C12orf54: variants seen among roughly 807,000 people sequenced by gnomAD.
C12orf54 encodes the protein uncharacterized protein C12orf54.
In C12orf54, 24 loss-of-function variants were observed where a neutral mutation model predicts 26.4. That is an observed-to-expected ratio of 0.91 (90% CI 0.66 to 1.28). The LOEUF (loss-of-function observed/expected upper bound fraction) is 1.28, where lower values mean the gene tolerates loss of function less well. Ranked by LOEUF, C12orf54 falls within the 50% of genes most tolerant of loss-of-function variation. The probability of loss-of-function intolerance (pLI) is 0.00; values close to 1 mark genes in which losing one functional copy is unlikely to be tolerated. For synonymous variants in C12orf54, 54 were observed against 47.0 expected (o/e 1.15, Z -0.61); for missense variants, 154 against 150.9 (o/e 1.02, Z -0.11).
the C12orf54 span, among the ~76,000 whole-genome samples, chr12:48,455,195 C>T: frequency 3.3e-5 from 5 of 152,090 alleles, no homozygotes; most frequent in African/African-American, 4.8e-5. Context: ...AGAACATGCA[C>T]GATTTGGTTT....
intron 2 of C12orf54, among the ~76,000 whole-genome samples, chr12:48,484,168 C>T (rs913100688): frequency 2.6e-5 from 4 of 152,138 alleles, no homozygotes; most frequent in African/African-American, 9.7e-5. Context: ...GCACTCCAGC[C>T]TGGGCAATAA....
In C12orf54 at chr12:48,490,833, C is replaced by T. The variant is rs760341392; in HGVS notation, c.190C>T (p.Arg64Ter). The change falls in exon 6 of 9, where the codon CGA becomes TGA. Residue 64 changes from arginine to a stop codon, truncating the protein, a stop_gained. Transcript: ENST00000548364. LOFTEE classifies it high-confidence loss of function. ...QKELQEDARIRGMSNCSMTPM... is the reference protein window; with the variant it reads ...QKELQEDARI ...TCAGCTGCAGGAAGATGCTCGGATTCGAGGTAAAACAGCACCATTCCAAGG... is the reference window on the plus strand; with the variant it reads ...TCAGCTGCAGGAAGATGCTCGGATTTGAGGTAAAACAGCACCATTCCAAGG... The T allele has an allele frequency of 3.7e-5, 60 of 1,613,192 alleles. No individual in the cohort carries two copies. The highest frequency in any genetic ancestry group is 2.4e-4 in the African/African-American group (18 of 74,870).
chr12:48,465,940 G>A, the C12orf54 span, among the ~76,000 whole-genome samples: 1 of 152,120 alleles, frequency 6.6e-6, no homozygotes, highest in South Asian at 2.1e-4. Flanking sequence ...AATTCAAAAT[G>A]AATAATAGAA....
At chr12:48,460,117 C>T in the C12orf54 span, among the ~76,000 whole-genome samples, 1 of 152,118 alleles carries the variant, frequency 6.6e-6, no homozygotes, top group African/African-American at 2.4e-5. Flanking sequence ...ATCCAAGAAC[C>T]AATGCTGAAG....
the C12orf54 span, among the ~76,000 whole-genome samples, chr12:48,450,915 C>T: frequency 1.5e-4 from 23 of 152,070 alleles, no homozygotes; most frequent in Non-Finnish European, 2.1e-4. Context: ...AGGGCTGGCA[C>T]CATTCCCACT....
At chr12:48,478,743 C>A (rs1275992911), upstream of C12orf54, among the ~76,000 whole-genome samples, 1 of 152,122 alleles carries the variant, frequency 6.6e-6, no homozygotes, top group Non-Finnish European at 1.5e-5. Context: ...GACATTTATG[C>A]AGCCAAAAAA....
At chr12:48,414,400 A>C in the C12orf54 span, among the ~76,000 whole-genome samples, 2 of 152,232 alleles carry the variant, frequency 1.3e-5, no homozygotes, top group Non-Finnish European at 2.9e-5. Context: ...ACCAGTTGAC[A>C]ACTGTATGGT....
At chr12:48,442,338 G>A in the C12orf54 span, 1 of 153,804 alleles carries the variant, frequency 6.5e-6, no homozygotes, top group African/African-American at 2.4e-5. Context: ...CCAAAGAAAT[G>A]CAGGAAGCTG....
At chr12:48,474,977 C>A in the C12orf54 span, among the ~76,000 whole-genome samples, 1 of 152,232 alleles carries the variant, frequency 6.6e-6, no homozygotes, top group South Asian at 2.1e-4. Flanking sequence ...CCCTGAGTAG[C>A]CTAACTGGGA....
chr12:48,489,051 A>G (rs1323337466), intron 5 of C12orf54, 95 bp downstream of exon 5: 13 of 1,181,508 alleles, frequency 1.1e-5, no homozygotes, highest in Non-Finnish European at 1.5e-5. Flanking sequence ...GCCTCTGACC[A>G]AGGTTTTAGC....
At chr12:48,415,564 T>C in the C12orf54 span, among the ~76,000 whole-genome samples, 1 of 152,176 alleles carries the variant, frequency 6.6e-6, no homozygotes, top group African/African-American at 2.4e-5. Context: ...AATTTTATGA[T>C]TTTCCTCCTT....
chr12:48,473,458 T>C, the C12orf54 span: 1 of 539,918 alleles, frequency 1.9e-6, no homozygotes, highest in Non-Finnish European at 3.3e-6. Context: ...GATTTTACTG[T>C]TTTTAGCCGT....
the C12orf54 span, among the ~76,000 whole-genome samples, chr12:48,437,670 G>A: frequency 7.9e-5 from 12 of 152,246 alleles, no homozygotes; most frequent in South Asian, 6.2e-4. Flanking sequence ...TATCTCAATC[G>A]ATGCAGAAAA....
chr12:48,494,228 A>C (rs1937862361), intron 7 of C12orf54, among the ~76,000 whole-genome samples: 1 of 152,044 alleles, frequency 6.6e-6, no homozygotes, highest in South Asian at 2.1e-4. Flanking sequence ...TCAAAAAAAA[A>C]ATTAATTTGA....
At chr12:48,414,171 T>C in the C12orf54 span, among the ~76,000 whole-genome samples, 3 of 152,236 alleles carry the variant, frequency 2.0e-5, no homozygotes, top group Non-Finnish European at 4.4e-5. Context: ...TCTGCTTCCT[T>C]TTTCTGAGCC....
the C12orf54 span, among the ~76,000 whole-genome samples, chr12:48,429,058 A>G: frequency 5.3e-5 from 8 of 152,222 alleles, no homozygotes; most frequent in Admixed American, 3.3e-4. Flanking sequence ...AGAATTAAAA[A>G]CAAAAATCAC....
chr12:48,453,201 G>A, the C12orf54 span, among the ~76,000 whole-genome samples: 2 of 152,142 alleles, frequency 1.3e-5, no homozygotes, highest in Non-Finnish European at 2.9e-5. Flanking sequence ...CATGGATGGA[G>A]CTGGAGACCA....
chr12:48,478,375 A>G (rs1009198155), upstream of C12orf54, among the ~76,000 whole-genome samples: 5 of 152,308 alleles, frequency 3.3e-5, no homozygotes, highest in South Asian at 2.1e-4. Context: ...CCTATTCAAC[A>G]TAGTGTTGGA....
chr12:48,456,006 T>C, the C12orf54 span, among the ~76,000 whole-genome samples: 1 of 152,222 alleles, frequency 6.6e-6, no homozygotes, highest in African/African-American at 2.4e-5. Context: ...TTTACACTGA[T>C]TATCTCATTT....
Sources: allele counts gnomAD v4.1 joint callset (sites outside exome capture counted in the v4.1 genomes callset), GRCh38; gene constraint gnomAD v4.1.1; transcripts MANE v1.5; gene names NCBI Gene and HGNC (gene_info 2026-07-23, HGNC 2026-07-21).